The following MN1 variants were observed in gnomAD, a reference collection of about 807,000 sequenced individuals.
MN1 encodes the protein transcriptional activator MN1.
In MN1, 19 loss-of-function variants were observed where a neutral mutation model predicts 86.9. The observed-to-expected ratio is 0.22, with a 90% CI of 0.15 to 0.32. The LOEUF is 0.32. Ranked by LOEUF, MN1 falls within the 10% of genes least tolerant of loss-of-function variation. MN1 has a pLI of 1.00. For missense variants in MN1, 1,841 were observed against 1,862.0 expected, an observed-to-expected ratio of 0.99 and a Z score of 0.21; for synonymous variants, 928 against 849.6, an observed-to-expected ratio of 1.09 and a Z score of -1.60.
intron 1 of MN1, among the ~76,000 whole-genome samples, chr22:27,779,106 CA>C: frequency 1.3e-5 from 2 of 152,240 alleles, no homozygotes; most frequent in South Asian, 4.1e-4. Context: ...TCCTACACCT[CA>C]GGGGCCAAAG....
intron 1 of MN1, among the ~76,000 whole-genome samples, chr22:27,754,971 G>C (rs370675035): frequency 6.6e-6 from 1 of 152,142 alleles, no homozygotes; most frequent in Non-Finnish European, 1.5e-5. Flanking sequence ...TTCACCCCCC[G>C]ACCCTGCACA....
rs1932754110 is a variant in MN1 at position 27,750,502 on chromosome 22, C to A, written c.*413G>T. The A allele has an allele frequency of 8.6e-6, 2 of 233,228 alleles. No homozygotes were observed. The highest frequency in any genetic ancestry group is 6.1e-5 in the East Asian group (1 of 16,450). The allele number at this position is 233,228 out of a possible 1,614,324, so 14.4% of individuals were successfully genotyped here. A position where few individuals can be genotyped will look rare whatever the true frequency, so the allele number is the denominator to read the frequency against. ...AAAGGAAAAAGAATAAAAAAGAAAG[C>A]AACTCTTGTCTTATTATGAAATAAC... is the stretch of plus-strand genomic sequence containing the variant. On this transcript the variant is annotated 3_prime_UTR_variant, in exon 2 of 2. Coordinates refer to ENST00000302326, the MANE Select transcript of MN1 (RefSeq NM_002430.3).
At position 27,798,252 on chromosome 22, in the gene MN1, G is replaced by C; in HGVS notation, c.2292C>G (p.Asn764Lys). The C allele has an allele frequency of 6.6e-7, 1 of 1,521,520 alleles. No homozygotes were observed. Among genetic ancestry groups the C allele is most frequent in the East Asian group, 2.4e-5 (1 of 41,492 alleles). The allele number at this position is 1,521,520 out of a possible 1,614,324, so 94.3% of individuals were successfully genotyped here. Residue 764 changes from asparagine to lysine, a missense_variant, in exon 1 of 2, where the codon AAC (asparagine) becomes AAG (lysine). By Grantham distance (94) the Asn-to-Lys change is moderately conservative. Transcript: ENST00000302326. Reference sequence around the variant, plus strand: ...CGCCCCCTCCCGCGCTGGGGGGCGAGTTCACGCCTGGACCGCTGTGCGGCG... The same window carrying C: ...CGCCCCCTCCCGCGCTGGGGGGCGACTTCACGCCTGGACCGCTGTGCGGCG... ...QSTPHSGPGV[N>K]SPPSAGGGGG...
In MN1 at chr22:27,801,090, C is replaced by A. The variant is rs1232701979; in HGVS notation, c.-547G>T. ...GACAGAGCGGTCCCTCCCCCCGCCC[C>A]CCGGAGTCCCCGCGCCCCGCAGCCC... is the stretch of plus-strand genomic sequence containing the variant. On this transcript the variant is annotated 5_prime_UTR_variant, in exon 1 of 2. Transcript: ENST00000302326. 1 of 232,918 alleles carries A rather than the reference C, an allele frequency of 4.3e-6. No individual in the cohort carries two copies. Among genetic ancestry groups the A allele is most frequent in the African/African-American group, 2.2e-5 (1 of 44,850 alleles). The allele number at this position is 232,918 out of a possible 1,614,324, so 14.4% of individuals were successfully genotyped here.
At chr22:27,755,638 C>G (rs530530282) in intron 1 of MN1, among the ~76,000 whole-genome samples, 1 of 152,274 alleles carries the variant, frequency 6.6e-6, no homozygotes, top group East Asian at 1.9e-4. Flanking sequence ...TTCCTACTAC[C>G]CCGTCACCCC....
intron 1 of MN1, among the ~76,000 whole-genome samples, chr22:27,770,469 C>T (rs1005185816): frequency 3.3e-5 from 5 of 152,150 alleles, no homozygotes; most frequent in African/African-American, 4.8e-5. Context: ...TCAGGATCCA[C>T]CTCTGCCTTG....
At chr22:27,756,960 T>G (rs1932805801) in intron 1 of MN1, among the ~76,000 whole-genome samples, 1 of 152,072 alleles carries the variant, frequency 6.6e-6, no homozygotes, top group African/African-American at 2.4e-5. Context: ...AGGTTCTCAC[T>G]ATGTTGCCAA....
intron 1 of MN1, among the ~76,000 whole-genome samples, chr22:27,780,013 G>A (rs1398682299): frequency 6.6e-6 from 1 of 152,170 alleles, no homozygotes; most frequent in Non-Finnish European, 1.5e-5. Context: ...CTAGGGGACA[G>A]CCTAACTTGC....
In MN1 at chr22:27,800,731, A is replaced by G. The variant is rs1034425389; in HGVS notation, c.-188T>C. On this transcript the variant is annotated 5_prime_UTR_variant, in exon 1 of 2. Coordinates refer to ENST00000302326, the MANE Select transcript of MN1 (RefSeq NM_002430.3). Reference sequence around the variant, plus strand: ...GGGCGGGGTATTAGCTCCTCTCCTGAAGCTCCGATTCTGCCCGGGGAGGGC... The same window carrying G: ...GGGCGGGGTATTAGCTCCTCTCCTGGAGCTCCGATTCTGCCCGGGGAGGGC... 19 of 666,864 alleles carry G rather than the reference A, an allele frequency of 2.8e-5. No individual in the cohort carries two copies. In the African/African-American group the frequency reaches 3.5e-4, roughly 12 times the overall value. The allele number at this position is 666,864 out of a possible 1,614,324, so 41.3% of individuals were successfully genotyped here. A position where few individuals can be genotyped will look rare whatever the true frequency, so the allele number is the denominator to read the frequency against.
Position 27,797,251 on chromosome 22 carries a change from G to C in MN1, c.3293C>G (p.Ala1098Gly). 6.3e-7 allele frequency: 1 copy of C among 1,577,376 alleles called. No homozygotes were observed. ...GCCCAGGCCGAGGGCGGGCGGGGGC[G>C]CCTTCGGTCCGTGTTCCCCGGCGCC... ...GVGAGEHGPK[A>G]PPPALGLGIM... Residue 1098 changes from alanine to glycine, a missense_variant, in exon 1 of 2, where the codon GCG becomes GGG. Transcript: ENST00000302326.
chr22:27,798,588 C>T lies in MN1; in HGVS notation c.1956G>A (p.Leu652=). 4 of 1,548,686 alleles carry T rather than the reference C, an allele frequency of 2.6e-6. No individual in the cohort carries two copies. The highest frequency in any genetic ancestry group is 3.5e-6 in the Non-Finnish European group (4 of 1,156,810). The change falls in exon 1 of 2, where the codon CTG becomes CTA. Residue 652 remains leucine (L), a synonymous_variant. Coordinates refer to ENST00000302326, the MANE Select transcript of MN1 (RefSeq NM_002430.3). ...LLPRRMGGSG[L]PADCGPHDPS... is the part of the protein sequence containing the mutation. ...GGTCGTGCGGGCCACAGTCAGCGGG[C>T]AGACCCGAGCCGCCCATCCTACGGG...
At chr22:27,785,316 G>C (rs1273962288) in intron 1 of MN1, among the ~76,000 whole-genome samples, 1 of 152,118 alleles carries the variant, frequency 6.6e-6, no homozygotes, top group African/African-American at 2.4e-5. Flanking sequence ...CCTAACAACG[G>C]AAAAACCCCC....
At chr22:27,784,702 C>A (rs1389829348) in intron 1 of MN1, among the ~76,000 whole-genome samples, 1 of 152,164 alleles carries the variant, frequency 6.6e-6, no homozygotes, top group Non-Finnish European at 1.5e-5. Flanking sequence ...TTACAATATT[C>A]TTTGCCTGTC....
At chr22:27,792,994 G>A (rs1185293823) in intron 1 of MN1, among the ~76,000 whole-genome samples, 1 of 152,156 alleles carries the variant, frequency 6.6e-6, no homozygotes, top group African/African-American at 2.4e-5. Context: ...GCAACACTGA[G>A]AGAAGCATGA....
intron 1 of MN1, among the ~76,000 whole-genome samples, chr22:27,793,410 G>A (rs1213245270): frequency 6.6e-6 from 1 of 152,152 alleles, no homozygotes; most frequent in Non-Finnish European, 1.5e-5. Flanking sequence ...GGATGATTTT[G>A]CAAACTCTTT....
chr22:27,759,471 C>T (rs978963377), intron 1 of MN1, among the ~76,000 whole-genome samples: 3 of 151,974 alleles, frequency 2.0e-5, no homozygotes, highest in Non-Finnish European at 2.9e-5. Context: ...TTGGCTCCCA[C>T]CCCAACCCTC....
intron 1 of MN1, among the ~76,000 whole-genome samples, chr22:27,788,010 C>A (rs561774349): frequency 2.2e-4 from 34 of 152,356 alleles, no homozygotes; most frequent in African/African-American, 2.6e-4. Flanking sequence ...TGGGCAAGAA[C>A]CTTCTGTCCT....
chr22:27,773,983 C>T (rs1932944218), intron 1 of MN1, among the ~76,000 whole-genome samples: 1 of 152,042 alleles, frequency 6.6e-6, no homozygotes, highest in Non-Finnish European at 1.5e-5. Context: ...GAGTATCTCT[C>T]GCCACCCCCA....
chr22:27,764,002 AAG>A (rs1932852249), intron 1 of MN1, among the ~76,000 whole-genome samples: 1 of 152,150 alleles, frequency 6.6e-6, no homozygotes, highest in African/African-American at 2.4e-5. Context: ...CTTCCAAAGC[AAG>A]AGACTGGCCC....
Sources: allele counts gnomAD v4.1 joint callset (sites outside exome capture counted in the v4.1 genomes callset), GRCh38; gene constraint gnomAD v4.1.1; transcripts MANE v1.5; gene names NCBI Gene and HGNC (gene_info 2026-07-23, HGNC 2026-07-21).